The following FKBP1B variants were observed in gnomAD, a reference collection of about 807,000 sequenced individuals.
FKBP1B encodes peptidyl-prolyl cis-trans isomerase FKBP1B.
In FKBP1B, 4 loss-of-function variants were observed where a neutral mutation model predicts 13.5. The ratio of observed to expected loss-of-function variants is 0.30; its 90% CI spans 0.15 to 0.68. The LOEUF (loss-of-function observed/expected upper bound fraction) is 0.68, where lower values mean the gene tolerates loss of function less well. Among genes scored for constraint, FKBP1B ranks in the 30% least tolerant of loss-of-function variants. The pLI, the probability that FKBP1B is intolerant of heterozygous loss-of-function variation, is 0.76. For synonymous variants in FKBP1B, 54 were observed against 53.6 expected, an observed-to-expected ratio of 1.01 and a Z score of -0.03; for missense variants, 93 against 136.2, an observed-to-expected ratio of 0.68 and a Z score of 1.58.
the FKBP1B span, chr2:24,037,868 G>A: frequency 6.2e-7 from 1 of 1,614,140 alleles, no homozygotes; most frequent in East Asian, 2.2e-5. Context: ...TTTCTTTGAG[G>A]CAAACGAGGA....
chr2:24,056,314 G>A (rs1049067506), intron 2 of FKBP1B, among the ~76,000 whole-genome samples: 4 of 151,508 alleles, frequency 2.6e-5, no homozygotes, highest in Non-Finnish European at 5.9e-5. Flanking sequence ...GCCTACTCTG[G>A]TGAGCGTTCA....
At chr2:24,057,527 C>T (rs560442219) in intron 2 of FKBP1B, among the ~76,000 whole-genome samples, 2 of 152,168 alleles carry the variant, frequency 1.3e-5, no homozygotes, top group Non-Finnish European at 2.9e-5. Flanking sequence ...GCATGCGCCA[C>T]CACGCCTGGA....
chr2:24,044,817 T>TAAAAAAAAA (rs747340836), upstream of FKBP1B, among the ~76,000 whole-genome samples: 1 of 103,928 alleles, frequency 9.6e-6, no homozygotes. Flanking sequence ...GAATTATCTT[T>TAAAAAAAAA]AAAAAAAAAA....
At chr2:24,037,348 A>G in the FKBP1B span, among the ~76,000 whole-genome samples, 1 of 152,202 alleles carries the variant, frequency 6.6e-6, no homozygotes, top group Non-Finnish European at 1.5e-5. Flanking sequence ...TAACTGGAGG[A>G]GTATCTCTAT....
chr2:24,043,515 A>AC, the FKBP1B span, among the ~76,000 whole-genome samples: 1 of 151,974 alleles, frequency 6.6e-6, no homozygotes, highest in African/African-American at 2.4e-5. Flanking sequence ...ACAAAACAAA[A>AC]AACCCCCCAA....
At chr2:24,042,011 T>C in the FKBP1B span, among the ~76,000 whole-genome samples, 1 of 152,272 alleles carries the variant, frequency 6.6e-6, no homozygotes. Context: ...AGGAAAATTA[T>C]ATTTTGAAAT....
At chr2:24,034,476 C>A in the FKBP1B span, among the ~76,000 whole-genome samples, 1 of 151,866 alleles carries the variant, frequency 6.6e-6, no homozygotes, top group Non-Finnish European at 1.5e-5. Context: ...ACAGTAAAGC[C>A]CCCAAAATTC....
chr2:24,036,724 C>G, the FKBP1B span, among the ~76,000 whole-genome samples: 1 of 152,160 alleles, frequency 6.6e-6, no homozygotes, highest in Non-Finnish European at 1.5e-5. Context: ...AGCATACTCT[C>G]AGTATGAAGT....
At chr2:24,054,969 G>T (rs992955022) in intron 2 of FKBP1B, among the ~76,000 whole-genome samples, 3 of 152,098 alleles carry the variant, frequency 2.0e-5, no homozygotes, top group Non-Finnish European at 2.9e-5. Flanking sequence ...CAAACATAGC[G>T]GGAGACTATG....
At chr2:24,044,486 T>C in the FKBP1B span, among the ~76,000 whole-genome samples, 2 of 152,080 alleles carry the variant, frequency 1.3e-5, no homozygotes, top group African/African-American at 4.8e-5. Flanking sequence ...AGGCTGGTCT[T>C]GAACTCCTGA....
intron 2 of FKBP1B, chr2:24,054,246 C>G: frequency 3.4e-6 from 2 of 580,124 alleles, no homozygotes; most frequent in South Asian, 4.0e-5. Context: ...GGTGGAGCCC[C>G]TGTCCCTGCT....
chr2:24,063,203 G>A lies in FKBP1B; in HGVS notation c.*11G>A. The A allele has an allele frequency of 6.4e-7, 1 of 1,573,266 alleles. No homozygotes were observed. On this transcript the variant is annotated 3_prime_UTR_variant, in exon 4 of 4. Coordinates refer to ENST00000380986, the MANE Select transcript of FKBP1B (RefSeq NM_004116.5). The stretch of plus-strand genomic sequence containing the variant: ...CTCAACTTAGAGTGAAGGCAGGAAG[G>A]AACTCAAGGTGGCTGGAGATGGCTG...
chr2:24,042,478 G>C, the FKBP1B span, among the ~76,000 whole-genome samples: 1 of 147,302 alleles, frequency 6.8e-6, no homozygotes, highest in East Asian at 2.0e-4. Flanking sequence ...AGAGGTTGCA[G>C]TGAATCGAGA....
the FKBP1B span, among the ~76,000 whole-genome samples, chr2:24,044,293 A>G: frequency 6.6e-6 from 1 of 151,810 alleles, no homozygotes; most frequent in Non-Finnish European, 1.5e-5. Flanking sequence ...GCGTGGGGGC[A>G]CAGTCTTGCT....
chr2:24,055,863 C>T (rs1309834077), intron 2 of FKBP1B, among the ~76,000 whole-genome samples: 1 of 152,198 alleles, frequency 6.6e-6, no homozygotes, highest in Admixed American at 6.5e-5. Flanking sequence ...CTCCTGGGCT[C>T]AGCGTTAGCA....
chr2:24,057,014 A>G, intron 2 of FKBP1B, among the ~76,000 whole-genome samples: 1 of 152,012 alleles, frequency 6.6e-6, no homozygotes, highest in East Asian at 1.9e-4. Context: ...TTGTTGATTT[A>G]TAGGAGTTTT....
At chr2:24,051,491 GCCCA>G (rs1310235507) in intron 1 of FKBP1B, among the ~76,000 whole-genome samples, 1 of 152,082 alleles carries the variant, frequency 6.6e-6, no homozygotes, top group Non-Finnish European at 1.5e-5. Flanking sequence ...CCTGTCCTAA[GCCCA>G]CCACTAACTT....
intron 3 of FKBP1B, among the ~76,000 whole-genome samples, chr2:24,061,272 C>G (rs1039980517): frequency 2.0e-5 from 3 of 152,204 alleles, no homozygotes; most frequent in African/African-American, 7.2e-5. Context: ...CAAGACTAGC[C>G]TCACCAACAT....
intron 1 of FKBP1B, among the ~76,000 whole-genome samples, chr2:24,051,346 G>GAC (rs773290515): frequency 5.4e-5 from 8 of 147,352 alleles, no homozygotes; most frequent in Non-Finnish European, 1.0e-4. Flanking sequence ...AAAAAAAAAA[G>GAC]AAAAAAAATG....
Sources: gnomAD v4.1 joint callset for allele counts (sites outside exome capture counted in the v4.1 genomes callset) on GRCh38, gnomAD v4.1.1 for gene constraint, MANE v1.5 for transcripts, NCBI Gene and HGNC (gene_info 2026-07-23, HGNC 2026-07-21) for gene names.